The following RFX3 variants were observed in gnomAD, a reference collection of about 807,000 sequenced individuals.
RFX3 encodes transcription factor RFX3.
A neutral mutation model predicts 98.6 loss-of-function variants in RFX3; 14 were observed. The observed-to-expected ratio is 0.14, with a 90% CI of 0.09 to 0.22. The LOEUF is 0.22. RFX3 is among the 10% of genes least tolerant of loss of function. The pLI, the probability that RFX3 is intolerant of heterozygous loss-of-function variation, is 1.00. For synonymous variants in RFX3, 383 were observed against 328.4 expected, an observed-to-expected ratio of 1.17 and a Z score of -1.80; for missense variants, 639 against 926.9, an observed-to-expected ratio of 0.69 and a Z score of 4.03.
At position 3,319,700 on chromosome 9, in the gene RFX3, T is replaced by C. The variant is rs553891468; in HGVS notation, c.474+10559A>G. Among the ~76,000 whole-genome samples the C allele has an allele frequency of 3.9e-5, 6 of 152,298 alleles. No individual in the cohort carries two copies. In the East Asian group the frequency reaches 5.8e-4, roughly 15 times the overall value. On this transcript the variant is annotated intron_variant, in intron 4 of 16. Transcript: ENST00000617270. Reference sequence around the variant, plus strand: ...ACCCTAAAAAGAAGTCTGGAGGCTATTTGTGAATTTGTATTTTTGCCTTAC... The same window carrying C: ...ACCCTAAAAAGAAGTCTGGAGGCTACTTGTGAATTTGTATTTTTGCCTTAC...
intron 3 of RFX3, among the ~76,000 whole-genome samples, chr9:3,332,568 T>C (rs1029157187): frequency 6.6e-6 from 1 of 152,222 alleles, no homozygotes; most frequent in African/African-American, 2.4e-5. Flanking sequence ...TCTCCAACTT[T>C]GCTGCCAGGA....
chr9:3,525,186 A>T (rs1819136528), intron 1 of RFX3, among the ~76,000 whole-genome samples: 1 of 152,184 alleles, frequency 6.6e-6, no homozygotes, highest in African/African-American at 2.4e-5. Flanking sequence ...TCACCAACGT[A>T]TGAGGATTAA....
At chr9:3,266,139 T>C in intron 12 of RFX3, 69 bp downstream of exon 12, 1 of 835,458 alleles carries the variant, frequency 1.2e-6, no homozygotes, top group South Asian at 1.7e-5. Flanking sequence ...TTTGATAGGA[T>C]AGATGTAAAG....
At chr9:3,260,350 C>T (rs530365095) in intron 13 of RFX3, among the ~76,000 whole-genome samples, 2 of 152,018 alleles carry the variant, frequency 1.3e-5, no homozygotes, top group South Asian at 4.2e-4. Flanking sequence ...GTAGACATAT[C>T]ACTGATCATT....
chr9:3,256,105 T>C (rs1026928611), intron 14 of RFX3, among the ~76,000 whole-genome samples: 3 of 152,182 alleles, frequency 2.0e-5, no homozygotes, highest in African/African-American at 4.8e-5. Context: ...TAGCTGGGAC[T>C]ACAGGCAACC....
At chr9:3,278,144 C>T (rs1825474303) in intron 7 of RFX3, among the ~76,000 whole-genome samples, 1 of 151,678 alleles carries the variant, frequency 6.6e-6, no homozygotes, top group African/African-American at 2.4e-5. Context: ...TATGTATTTT[C>T]CATACAGCTA....
At chr9:3,513,030 C>T (rs967756179) in intron 1 of RFX3, among the ~76,000 whole-genome samples, 3 of 152,050 alleles carry the variant, frequency 2.0e-5, no homozygotes, top group Admixed American at 6.6e-5. Context: ...ACCCATTTCT[C>T]TCATTTCTTT....
chr9:3,519,048 G>C (rs575826512), intron 1 of RFX3, among the ~76,000 whole-genome samples: 11 of 152,230 alleles, frequency 7.2e-5, no homozygotes, highest in Admixed American at 4.6e-4. Flanking sequence ...ATAGGGCTCA[G>C]ACTGTTTTCA....
At chr9:3,341,385 C>T (rs1232432500) in intron 3 of RFX3, among the ~76,000 whole-genome samples, 2 of 149,858 alleles carry the variant, frequency 1.3e-5, no homozygotes, top group Non-Finnish European at 2.9e-5. Context: ...GCACATGTAC[C>T]CTAAAACTTA....
chr9:3,492,187 T>C (rs970707200), intron 1 of RFX3, among the ~76,000 whole-genome samples: 1 of 152,220 alleles, frequency 6.6e-6, no homozygotes, highest in Admixed American at 6.5e-5. Context: ...GGTCCCATTC[T>C]ACCAACTCCC....
chr9:3,279,146 T>C (rs1825612974), intron 7 of RFX3, among the ~76,000 whole-genome samples: 1 of 151,862 alleles, frequency 6.6e-6, no homozygotes. Context: ...AAAAGCACTT[T>C]GTGTACATGT....
intron 3 of RFX3, among the ~76,000 whole-genome samples, chr9:3,333,344 C>A (rs182899017): frequency 6.6e-6 from 1 of 151,824 alleles, no homozygotes; most frequent in Admixed American, 6.6e-5. Flanking sequence ...GTATTCCACA[C>A]TGGGTAAAGA....
chr9:3,522,236 T>C (rs1386338833), intron 1 of RFX3, among the ~76,000 whole-genome samples: 1 of 152,206 alleles, frequency 6.6e-6, no homozygotes, highest in South Asian at 2.1e-4. Context: ...CAAATCCACT[T>C]AATCTTGGAT....
intron 1 of RFX3, among the ~76,000 whole-genome samples, chr9:3,418,587 C>T (rs1052927669): frequency 1.3e-5 from 2 of 152,074 alleles, no homozygotes; most frequent in African/African-American, 4.8e-5. Context: ...ACCAAGTTGG[C>T]CAGGCTGGTC....
At chr9:3,243,177 A>G (rs1450009238) in intron 15 of RFX3, among the ~76,000 whole-genome samples, 2 of 151,944 alleles carry the variant, frequency 1.3e-5, no homozygotes, top group African/African-American at 2.4e-5. Flanking sequence ...CAGGTATGTA[A>G]ACAGATGCAA....
At chr9:3,484,919 C>G (rs968229271) in intron 1 of RFX3, among the ~76,000 whole-genome samples, 7 of 150,298 alleles carry the variant, frequency 4.7e-5, no homozygotes, top group African/African-American at 1.7e-4. Context: ...CACCCCCCCC[C>G]ACCCCATCTC....
chr9:3,315,844 A>G (rs1351863261), intron 4 of RFX3, among the ~76,000 whole-genome samples: 2 of 152,214 alleles, frequency 1.3e-5, no homozygotes, highest in Non-Finnish European at 2.9e-5. Flanking sequence ...AAATCCCTGA[A>G]TAGACCAATA....
chr9:3,320,602 G>A (rs1197656202), intron 4 of RFX3, among the ~76,000 whole-genome samples: 1 of 148,878 alleles, frequency 6.7e-6, no homozygotes, highest in African/African-American at 2.5e-5. Flanking sequence ...TCTTATATAA[G>A]CACATAGTAA....
intron 2 of RFX3, among the ~76,000 whole-genome samples, chr9:3,379,777 A>G (rs1016033029): frequency 6.6e-6 from 1 of 152,224 alleles, no homozygotes; most frequent in African/African-American, 2.4e-5. Context: ...AGTATGTGAC[A>G]TACAGATCAA....
Sources: allele counts gnomAD v4.1 joint callset (sites outside exome capture counted in the v4.1 genomes callset), GRCh38; gene constraint gnomAD v4.1.1; transcripts MANE v1.5; gene names NCBI Gene and HGNC (gene_info 2026-07-23, HGNC 2026-07-21).